The following CCSER1 variants were observed in gnomAD, a reference collection of about 807,000 sequenced individuals.
CCSER1 encodes the protein serine-rich coiled-coil domain-containing protein 1.
In CCSER1, 41 loss-of-function variants were observed where a neutral mutation model predicts 82.0. That is an observed-to-expected ratio of 0.50 (90% CI 0.39 to 0.65). The LOEUF (loss-of-function observed/expected upper bound fraction) is 0.65. Ranked by LOEUF, CCSER1 falls within the 30% of genes least tolerant of loss-of-function variation. The pLI is 0.00. For missense variants in CCSER1, 1,119 were observed against 1,064.2 expected (o/e 1.05, Z -0.72); for synonymous variants, 414 against 383.9 (o/e 1.08, Z -0.92).
At chr4:90,715,262 C>G (rs1741421558) in intron 6 of CCSER1, among the ~76,000 whole-genome samples, 1 of 151,912 alleles carries the variant, frequency 6.6e-6, no homozygotes, top group African/African-American at 2.4e-5. Flanking sequence ...TGAATCATCC[C>G]CACAAAACCT....
chr4:91,013,798 T>G (rs1739206331), intron 9 of CCSER1, among the ~76,000 whole-genome samples: 1 of 127,262 alleles, frequency 7.9e-6, no homozygotes, highest in African/African-American at 2.5e-5. Flanking sequence ...TTTTTTTGTA[T>G]TTTTAGTAGA....
intron 5 of CCSER1, among the ~76,000 whole-genome samples, chr4:90,489,745 C>T (rs1410635473): frequency 6.6e-6 from 1 of 152,070 alleles, no homozygotes; most frequent in African/African-American, 2.4e-5. Context: ...TTGTTTAATT[C>T]CCACCTATGA....
intron 7 of CCSER1, among the ~76,000 whole-genome samples, chr4:90,787,617 T>C (rs1412741051): frequency 1.3e-5 from 2 of 152,206 alleles, no homozygotes; most frequent in Non-Finnish European, 2.9e-5. Flanking sequence ...AGATCGAGTA[T>C]GTGTAGCAGG....
At chr4:91,177,399 AG>A (rs1733509686) in intron 10 of CCSER1, among the ~76,000 whole-genome samples, 1 of 152,196 alleles carries the variant, frequency 6.6e-6, no homozygotes, top group Admixed American at 6.5e-5. Flanking sequence ...GAATGGCACA[AG>A]CTCCTCTTTG....
chr4:90,307,119 C>G (rs540928772), intron 1 of CCSER1, among the ~76,000 whole-genome samples: 10 of 152,164 alleles, frequency 6.6e-5, no homozygotes, highest in Non-Finnish European at 1.5e-4. Flanking sequence ...TGTTCATAGT[C>G]TTATTACTTA....
At chr4:90,622,225 A>T (rs1350730537) in intron 5 of CCSER1, among the ~76,000 whole-genome samples, 1 of 152,092 alleles carries the variant, frequency 6.6e-6, no homozygotes, top group African/African-American at 2.4e-5. Flanking sequence ...ATTTTTTAAG[A>T]GTGGGGTACT....
intron 6 of CCSER1, among the ~76,000 whole-genome samples, chr4:90,719,954 T>C: frequency 6.6e-6 from 1 of 152,152 alleles, no homozygotes; most frequent in South Asian, 2.1e-4. Context: ...ATTTGTCTCG[T>C]CTATTTATTT....
chr4:90,964,779 C>G (rs1213111027), intron 9 of CCSER1, among the ~76,000 whole-genome samples: 1 of 148,256 alleles, frequency 6.7e-6, no homozygotes, highest in Admixed American at 6.7e-5. Flanking sequence ...CAAAAATTGT[C>G]CAAATCAACT....
intron 1 of CCSER1, among the ~76,000 whole-genome samples, chr4:90,252,134 T>A (rs1722512261): frequency 6.6e-6 from 1 of 151,906 alleles, no homozygotes; most frequent in African/African-American, 2.4e-5. Flanking sequence ...ATTTCAGATT[T>A]TTTTTAGAAT....
At chr4:90,861,098 C>T (rs1286266486) in intron 8 of CCSER1, among the ~76,000 whole-genome samples, 1 of 151,400 alleles carries the variant, frequency 6.6e-6, no homozygotes, top group East Asian at 1.9e-4. Context: ...ATGTGCCATT[C>T]GGGAAACAAA....
At chr4:91,577,444 AAGC>A (rs1019392140) in intron 10 of CCSER1, among the ~76,000 whole-genome samples, 1 of 152,020 alleles carries the variant, frequency 6.6e-6, no homozygotes, top group African/African-American at 2.4e-5. Flanking sequence ...TTTTCCAAGA[AAGC>A]AGCAAAAAAT....
At chr4:90,912,600 T>G (rs971081559) in intron 8 of CCSER1, among the ~76,000 whole-genome samples, 1 of 151,880 alleles carries the variant, frequency 6.6e-6, no homozygotes, top group Admixed American at 6.6e-5. Flanking sequence ...TCCAAAGGAG[T>G]GCAGCCCCTT....
intron 4 of CCSER1, among the ~76,000 whole-genome samples, chr4:90,444,984 C>T (rs1174800704): frequency 6.6e-6 from 1 of 151,886 alleles, no homozygotes; most frequent in South Asian, 2.1e-4. Flanking sequence ...TGTTATTCAT[C>T]GTGAAGCTGA....
chr4:90,319,620 A>G (rs1488734384), intron 3 of CCSER1, among the ~76,000 whole-genome samples: 3 of 144,674 alleles, frequency 2.1e-5, no homozygotes, highest in African/African-American at 8.0e-5. Context: ...CCACTGCACT[A>G]CAGTCTGGGC....
intron 10 of CCSER1, among the ~76,000 whole-genome samples, chr4:91,348,300 G>C (rs1236317692): frequency 6.6e-6 from 1 of 152,030 alleles, no homozygotes; most frequent in African/African-American, 2.4e-5. Context: ...TTTGAATATT[G>C]AATCAGCCTT....
At chr4:91,154,943 G>A (rs1173677700) in intron 10 of CCSER1, among the ~76,000 whole-genome samples, 41 of 151,734 alleles carry the variant, frequency 2.7e-4, no homozygotes, top group Non-Finnish European at 7.4e-5. Flanking sequence ...AAATCACATA[G>A]CTATTAAGTA....
At chr4:91,317,825 A>G (rs1308099051) in intron 10 of CCSER1, among the ~76,000 whole-genome samples, 1 of 151,942 alleles carries the variant, frequency 6.6e-6, no homozygotes, top group East Asian at 1.9e-4. Context: ...TCAGTCAGGC[A>G]AGTGGAACAA....
At chr4:90,240,691 G>GGT (rs1349391535) in intron 1 of CCSER1, among the ~76,000 whole-genome samples, 4 of 152,204 alleles carry the variant, frequency 2.6e-5, no homozygotes, top group African/African-American at 9.7e-5. Context: ...CTTACATTTA[G>GGT]GTGCTGGTTA....
chr4:91,085,501 A>G (rs1340740405), intron 9 of CCSER1, among the ~76,000 whole-genome samples: 2 of 152,108 alleles, frequency 1.3e-5, no homozygotes, highest in African/African-American at 2.4e-5. Context: ...AGGAAATAAA[A>G]TCCTGAATAT....
Sources: allele counts gnomAD v4.1 joint callset (sites outside exome capture counted in the v4.1 genomes callset), GRCh38; gene constraint gnomAD v4.1.1; transcripts MANE v1.5; gene names NCBI Gene and HGNC (gene_info 2026-07-23, HGNC 2026-07-21).